Variants in GABRB3 observed in about 807,000 individuals in gnomAD.
The protein encoded by GABRB3 is gamma-aminobutyric acid type A receptor subunit beta3.
A neutral mutation model predicts 52.1 loss-of-function variants in GABRB3; 14 were observed. The observed-to-expected ratio is 0.27, with a 90% CI of 0.18 to 0.42. The LOEUF is 0.42. GABRB3 is among the 10% of genes least tolerant of loss of function. The probability of loss-of-function intolerance (pLI) is 1.00; values close to 1 mark genes in which losing one functional copy is unlikely to be tolerated. For missense variants in GABRB3, 307 were observed against 609.1 expected, an observed-to-expected ratio of 0.50 and a Z score of 5.22; for synonymous variants, 260 against 232.3, an observed-to-expected ratio of 1.12 and a Z score of -1.08.
At chr15:26,608,692 T>A (rs576907635) in intron 4 of GABRB3, among the ~76,000 whole-genome samples, 45 of 152,008 alleles carry the variant, frequency 3.0e-4, no homozygotes, top group African/African-American at 1.1e-3. Context: ...ACAAGACATA[T>A]GAAAAGAAGT....
chr15:26,623,361 G>A (rs1249453908), intron 3 of GABRB3, among the ~76,000 whole-genome samples: 1 of 152,208 alleles, frequency 6.6e-6, no homozygotes, highest in East Asian at 1.9e-4. Flanking sequence ...ATGACCAGGA[G>A]TATTAACCGT....
At chr15:26,555,475 T>C (rs564042797) in intron 8 of GABRB3, among the ~76,000 whole-genome samples, 3 of 152,258 alleles carry the variant, frequency 2.0e-5, no homozygotes, top group Admixed American at 6.5e-5. Flanking sequence ...ACTGTTGTGT[T>C]TGGGAGACGA....
At chr15:26,575,478 T>G (rs987811260) in intron 6 of GABRB3, among the ~76,000 whole-genome samples, 2 of 152,158 alleles carry the variant, frequency 1.3e-5, no homozygotes, top group African/African-American at 4.8e-5. Context: ...AAAAGACAGA[T>G]GGTAATTCTT....
Position 26,772,489 on chromosome 15 carries a change from C to A in GABRB3, c.173-20G>T. ...GGGGACCTGCGGGAAGCACAGGACACGGCGATCAGCCCAGCTCCGGCGCGG... is the reference window on the plus strand; with the variant it reads ...GGGGACCTGCGGGAAGCACAGGACAAGGCGATCAGCCCAGCTCCGGCGCGG... On this transcript the variant is annotated intron_variant, in intron 2 of 8. Coordinates refer to ENST00000311550, the MANE Select transcript of GABRB3 (RefSeq NM_000814.6). 6.2e-7 allele frequency: 1 copy of A among 1,607,806 alleles called. No individual in the cohort carries two copies.
chr15:26,757,170 T>A (rs1446522914), intron 3 of GABRB3, among the ~76,000 whole-genome samples: 1 of 152,200 alleles, frequency 6.6e-6, no homozygotes, highest in Non-Finnish European at 1.5e-5. Flanking sequence ...AATTTTACCA[T>A]TTTTTGCTAT....
intron 3 of GABRB3, among the ~76,000 whole-genome samples, chr15:26,709,025 G>T (rs1347700111): frequency 6.6e-6 from 1 of 152,166 alleles, no homozygotes; most frequent in Non-Finnish European, 1.5e-5. Context: ...TCTACTAAAA[G>T]ATCATATGGA....
chr15:26,668,254 G>C (rs1595519666), intron 3 of GABRB3, among the ~76,000 whole-genome samples: 1 of 152,314 alleles, frequency 6.6e-6, no homozygotes, highest in South Asian at 2.1e-4. Context: ...ACTTAGCAAA[G>C]TAAATTGGAA....
intron 8 of GABRB3, among the ~76,000 whole-genome samples, chr15:26,555,464 C>A (rs1049789079): frequency 6.6e-6 from 1 of 152,118 alleles, no homozygotes; most frequent in African/African-American, 2.4e-5. Flanking sequence ...GCGCTGTGGC[C>A]ACTGTTGTGT....
intron 3 of GABRB3, among the ~76,000 whole-genome samples, chr15:26,688,433 T>A (rs1320919369): frequency 1.3e-5 from 2 of 152,206 alleles, no homozygotes; most frequent in Non-Finnish European, 2.9e-5. Context: ...TGTCCATGGA[T>A]TAAGCTTCTA....
intron 3 of GABRB3, among the ~76,000 whole-genome samples, chr15:26,747,019 TA>T (rs869177238): frequency 2.3e-5 from 2 of 86,066 alleles, no homozygotes; most frequent in African/African-American, 8.1e-5. Context: ...AACAAACAAA[TA>T]ATCAGTTGGG....
intron 5 of GABRB3, 83 bp from the exon 6 acceptor site, chr15:26,580,539 G>A: frequency 1.3e-6 from 2 of 1,562,330 alleles, no homozygotes; most frequent in Admixed American, 1.7e-5. Flanking sequence ...TAACATGGAG[G>A]TTGCGGCTCT....
chr15:26,726,749 T>G (rs1335593050), intron 3 of GABRB3, among the ~76,000 whole-genome samples: 1 of 152,226 alleles, frequency 6.6e-6, no homozygotes. Context: ...TACCACTTGG[T>G]CAAGCTGGTA....
chr15:26,720,918 T>A (rs1889626921), intron 3 of GABRB3, among the ~76,000 whole-genome samples: 1 of 152,168 alleles, frequency 6.6e-6, no homozygotes, highest in African/African-American at 2.4e-5. Context: ...AAAATGTTAA[T>A]ATTATCATTG....
chr15:26,589,716 G>A (rs1891123136), intron 4 of GABRB3, among the ~76,000 whole-genome samples: 2 of 152,056 alleles, frequency 1.3e-5, no homozygotes, highest in Non-Finnish European at 2.9e-5. Flanking sequence ...ACCCCCAGGT[G>A]AGCCCACAAG....
intron 3 of GABRB3, chr15:26,716,719 C>T (rs1308508547): frequency 8.9e-6 from 9 of 1,012,820 alleles, no homozygotes; most frequent in South Asian, 3.8e-5. Context: ...TTCTCTTTCA[C>T]AGGCCATCCA....
intron 6 of GABRB3, among the ~76,000 whole-genome samples, chr15:26,575,478 T>C (rs987811260): frequency 1.3e-5 from 2 of 152,158 alleles, no homozygotes; most frequent in Non-Finnish European, 2.9e-5. Flanking sequence ...AAAAGACAGA[T>C]GGTAATTCTT....
chr15:26,720,711 T>TA (rs796854825), intron 3 of GABRB3, among the ~76,000 whole-genome samples: 20 of 152,278 alleles, frequency 1.3e-4, no homozygotes, highest in African/African-American at 4.8e-4. Flanking sequence ...CCTTCACACA[T>TA]ACGCAATCCC....
intron 3 of GABRB3, among the ~76,000 whole-genome samples, chr15:26,716,346 C>T (rs1211276087): frequency 6.6e-6 from 1 of 152,130 alleles, no homozygotes; most frequent in African/African-American, 2.4e-5. Flanking sequence ...ATGCTGCATT[C>T]ATATTTATAG....
chr15:26,761,132 C>T (rs1479805452), intron 3 of GABRB3, among the ~76,000 whole-genome samples: 2 of 152,294 alleles, frequency 1.3e-5, no homozygotes, highest in Admixed American at 6.5e-5. Flanking sequence ...CGGTGGCTCA[C>T]GCCTATAATC....
Sources: gnomAD v4.1 joint callset for allele counts (sites outside exome capture counted in the v4.1 genomes callset) on GRCh38, gnomAD v4.1.1 for gene constraint, MANE v1.5 for transcripts, NCBI Gene and HGNC (gene_info 2026-07-23, HGNC 2026-07-21) for gene names.